The following RSF1 variants were observed in gnomAD, a reference collection of about 807,000 sequenced individuals.
RSF1 encodes the protein remodeling and spacing factor 1, also known as HBV pX-associated protein 8.
In RSF1, 13 loss-of-function variants were observed where a neutral mutation model predicts 145.2. The observed-to-expected ratio is 0.09, with a 90% CI of 0.06 to 0.14. The LOEUF is 0.14. Among genes scored for constraint, RSF1 ranks in the 10% least tolerant of loss-of-function variants. The probability of loss-of-function intolerance (pLI) is 1.00; values close to 1 mark genes in which losing one functional copy is unlikely to be tolerated. For synonymous variants in RSF1, 577 were observed against 592.6 expected (o/e 0.97, Z 0.38); for missense variants, 1,517 against 1,718.2 (o/e 0.88, Z 2.07).
At chr11:77,734,935 G>T in intron 4 of RSF1, 1 of 1,591,398 alleles carries the variant, frequency 6.3e-7, no homozygotes, top group Non-Finnish European at 8.5e-7. Context: ...AACGTAGGAG[G>T]CACAGAGCTC....
At position 77,666,938 on chromosome 11, in the gene RSF1, G is replaced by C; in HGVS notation, c.4305C>G (p.Val1435=). 6.3e-7 allele frequency: 1 copy of C among 1,582,158 alleles called. No individual in the cohort carries two copies. Among genetic ancestry groups the C allele is most frequent in the Non-Finnish European group, 8.6e-7 (1 of 1,160,642 alleles). Residue 1435 remains valine, a synonymous_variant, in exon 16 of 16, where the codon GTC becomes GTG. Coordinates refer to ENST00000308488, the MANE Select transcript of RSF1 (RefSeq NM_016578.4). The stretch of plus-strand genomic sequence containing the variant: ...AGTCTTATAACTGTTCACTGTTACA[G>C]ACATAATCAACAAGGTCAGTCACTC... ...LLRVTDLVDY[V]CNSEQL is the part of the protein sequence containing the mutation.
At chr11:77,825,848 C>T (rs1053245569), upstream of RSF1, among the ~76,000 whole-genome samples, 7 of 152,058 alleles carry the variant, frequency 4.6e-5, no homozygotes, top group South Asian at 2.1e-4. Context: ...AGTGCCACTA[C>T]ATCCGGCTAA....
the RSF1 span, among the ~76,000 whole-genome samples, chr11:77,856,639 A>C: frequency 2.0e-5 from 3 of 152,134 alleles, no homozygotes; most frequent in Admixed American, 6.6e-5. Flanking sequence ...CTATCACGGC[A>C]GAAGGTGAAG....
rs182662802 is a variant in RSF1 at position 77,686,163 on chromosome 11, T to C, written c.2901-1004A>G. Among the ~76,000 whole-genome samples, 437 of 152,062 alleles carry C rather than the reference T, an allele frequency of 2.9e-3. 8 individuals carry two copies. The highest frequency in any genetic ancestry group is 0.023 in the Admixed American group (344 of 15,256). On this transcript the variant is annotated intron_variant, in intron 9 of 15. Coordinates refer to ENST00000308488, the MANE Select transcript of RSF1 (RefSeq NM_016578.4). ...GGCTGGGTGTGGTGGCTCATGCCTG[T>C]AATCCAAAGCAGGAGGTCCCCCGAC...
chr11:77,677,871 A>G (rs1959749966), intron 12 of RSF1, among the ~76,000 whole-genome samples: 2 of 152,242 alleles, frequency 1.3e-5, no homozygotes, highest in East Asian at 3.8e-4. Flanking sequence ...TCAGCTTGTA[A>G]AACAAAACTG....
chr11:77,741,009 G>A (rs1194765940), intron 3 of RSF1, 73 bp from the exon 4 acceptor site: 27 of 1,118,520 alleles, frequency 2.4e-5, no homozygotes, highest in Admixed American at 3.9e-5. Context: ...TGATACAACC[G>A]TAGAATTGAT....
intron 5 of RSF1, among the ~76,000 whole-genome samples, chr11:77,724,446 C>T (rs759497609): frequency 5.3e-5 from 8 of 152,134 alleles, no homozygotes; most frequent in Non-Finnish European, 8.8e-5. Flanking sequence ...TTATTCACAA[C>T]GTCCAAAAGG....
chr11:77,706,347 G>T (rs142594930), intron 5 of RSF1, among the ~76,000 whole-genome samples: 1 of 151,780 alleles, frequency 6.6e-6, no homozygotes, highest in East Asian at 1.9e-4. Flanking sequence ...AAAATTACTT[G>T]AAACTTTCTA....
chr11:77,859,247 A>G, the RSF1 span, among the ~76,000 whole-genome samples: 1 of 152,122 alleles, frequency 6.6e-6, no homozygotes, highest in Non-Finnish European at 1.5e-5. Context: ...GTCCTTCTAT[A>G]AGCATTTCTG....
rs989098244 is a variant in RSF1, at chr11:77,665,542, T to A, written c.*1375A>T. On this transcript the variant is annotated 3_prime_UTR_variant, in exon 16 of 16. Transcript: ENST00000308488. ...GTCAATTACATGTTAGGTATTTAGT[T>A]AGTTACAAACCCTTTTTTCTTGAAA... 2.6e-5 allele frequency: 4 copies of A among 152,204 alleles called. 1 individual carries two copies. Among genetic ancestry groups the A allele is most frequent in the Non-Finnish European group, 5.9e-5 (4 of 68,030 alleles). 9.4% of individuals were successfully genotyped at this position (152,204 alleles called of 1,614,324 possible). A position where few individuals can be genotyped will look rare whatever the true frequency, so the allele number is the denominator to read the frequency against.
chr11:77,820,386 G>A (rs1048011352), intron 1 of RSF1, 142 bp downstream of exon 1: 29 of 903,132 alleles, frequency 3.2e-5, no homozygotes, highest in Non-Finnish European at 4.7e-5. Context: ...GGGCGGAGAA[G>A]ACCAGCCCGG....
At chr11:77,853,257 C>T in the RSF1 span, among the ~76,000 whole-genome samples, 1 of 152,166 alleles carries the variant, frequency 6.6e-6, no homozygotes. Flanking sequence ...CTATAAAGAA[C>T]TACCTGAGAC....
intron 1 of RSF1, among the ~76,000 whole-genome samples, chr11:77,798,223 G>T (rs1182490900): frequency 6.6e-6 from 1 of 152,130 alleles, no homozygotes; most frequent in South Asian, 2.1e-4. Context: ...GTTTACTGCA[G>T]CATAAATCAC....
intron 5 of RSF1, among the ~76,000 whole-genome samples, chr11:77,706,216 G>T (rs1960545333): frequency 6.7e-6 from 1 of 148,830 alleles, no homozygotes; most frequent in Non-Finnish European, 1.5e-5. Flanking sequence ...ACTCCAGCCT[G>T]GCGACAGAGT....
chr11:77,842,860 ACT>A, the RSF1 span, among the ~76,000 whole-genome samples: 1 of 152,182 alleles, frequency 6.6e-6, no homozygotes, highest in Non-Finnish European at 1.5e-5. Context: ...AACAGTTACC[ACT>A]GTTAGTTCCA....
chr11:77,738,514 G>A (rs1268957320), intron 4 of RSF1, among the ~76,000 whole-genome samples: 2 of 152,114 alleles, frequency 1.3e-5, no homozygotes, highest in African/African-American at 2.4e-5. Flanking sequence ...TACACATTTT[G>A]TTATCCATGA....
At chr11:77,746,864 T>C (rs1948007570) in intron 3 of RSF1, among the ~76,000 whole-genome samples, 172 bp downstream of exon 3, 1 of 152,178 alleles carries the variant, frequency 6.6e-6, no homozygotes, top group Non-Finnish European at 1.5e-5. Flanking sequence ...TAGATATATT[T>C]ATGCATCAAA....
chr11:77,806,854 T>A (rs1280846143), intron 1 of RSF1, among the ~76,000 whole-genome samples: 2 of 151,976 alleles, frequency 1.3e-5, no homozygotes, highest in East Asian at 3.9e-4. Flanking sequence ...AAGAAAAAAG[T>A]TATACCCTGA....
intron 1 of RSF1, among the ~76,000 whole-genome samples, chr11:77,778,256 GGGAA>G (rs1948368256): frequency 1.2e-5 from 1 of 81,966 alleles, no homozygotes; most frequent in African/African-American, 4.8e-5. Context: ...GCATGGGGGA[GGGAA>G]GGGGAGAGGA....
Sources: gnomAD v4.1 joint callset for allele counts (sites outside exome capture counted in the v4.1 genomes callset) on GRCh38, gnomAD v4.1.1 for gene constraint, MANE v1.5 for transcripts, NCBI Gene and HGNC (gene_info 2026-07-23, HGNC 2026-07-21) for gene names.